HMCN1: variants seen among roughly 807,000 people sequenced by gnomAD.
The protein encoded by HMCN1 is hemicentin-1.
HMCN1 carries 321 observed loss-of-function variants against 625.9 expected under a neutral mutation model. The observed-to-expected ratio is 0.51, with a 90% CI of 0.47 to 0.56. HMCN1 has a LOEUF of 0.56. HMCN1 is among the 20% of genes least tolerant of loss of function. The pLI is 0.00. For synonymous variants in HMCN1, 2,425 were observed against 2,417.6 expected (o/e 1.00, Z -0.09); for missense variants, 6,588 against 6,887.3 (o/e 0.96, Z 1.54).
At chr1:185,894,168 AC>A (rs956241227) in intron 4 of HMCN1, among the ~76,000 whole-genome samples, 1 of 150,576 alleles carries the variant, frequency 6.6e-6, no homozygotes, top group African/African-American at 2.5e-5. Context: ...AAAAAACAAA[AC>A]AAAAAAACAG....
chr1:186,000,540 A>AGG (rs1469023226), intron 26 of HMCN1, among the ~76,000 whole-genome samples: 45 of 135,756 alleles, frequency 3.3e-4, no homozygotes, highest in African/African-American at 1.3e-3. Flanking sequence ...ATCAGCGTGT[A>AGG]GGGTGTGTGT....
chr1:186,069,831 T>G, intron 51 of HMCN1, 55 bp downstream of exon 51: 1 of 1,136,614 alleles, frequency 8.8e-7, no homozygotes, highest in Non-Finnish European at 1.3e-6. Flanking sequence ...TCTAACTTTT[T>G]CAATCCTGTT....
At chr1:186,070,798 G>A (rs756009575) in intron 52 of HMCN1, 41 bp downstream of exon 52, 1 of 1,589,656 alleles carries the variant, frequency 6.3e-7, no homozygotes, top group Non-Finnish European at 8.6e-7. Flanking sequence ...ATTTCTTAAA[G>A]ACTAAAATGG....
rs150512784 is a variant in HMCN1, at chr1:186,078,709, G to A, written c.8599+489G>A. On this transcript the variant is annotated intron_variant, in intron 55 of 106. Transcript: ENST00000271588. ...ATTGAAGCCCTAGAATTGAATTTCC[G>A]TGGTTTTAATTGGCCAAGTGTGAAT... 3.8e-3 allele frequency among the ~76,000 whole-genome samples: 577 copies of A among 152,258 alleles called. 4 individuals carry two copies. The highest frequency in any genetic ancestry group is 0.013 in the African/African-American group (545 of 41,556).
intron 63 of HMCN1, among the ~76,000 whole-genome samples, chr1:186,090,000 T>C (rs1659748602): frequency 6.6e-6 from 1 of 151,930 alleles, no homozygotes; most frequent in South Asian, 2.1e-4. Context: ...TGATCTAATA[T>C]ATACAAGATT....
chr1:186,162,108 T>G (rs1362136641), intron 97 of HMCN1, among the ~76,000 whole-genome samples: 1 of 152,200 alleles, frequency 6.6e-6, no homozygotes, highest in Non-Finnish European at 1.5e-5. Flanking sequence ...CTTGAGGCTT[T>G]GTTCGTTTCT....
intron 1 of HMCN1, among the ~76,000 whole-genome samples, chr1:185,827,171 C>CAAAAAAA (rs756416016): frequency 4.6e-5 from 2 of 43,180 alleles, no homozygotes; most frequent in African/African-American, 6.8e-5. Context: ...GACTCCATCT[C>CAAAAAAA]AAAAAAAAAA....
intron 42 of HMCN1, among the ~76,000 whole-genome samples, chr1:186,052,142 A>AAGAG (rs146696201): frequency 6.7e-5 from 10 of 149,982 alleles, no homozygotes; most frequent in Admixed American, 2.7e-4. Context: ...AGATGGTAAA[A>AAGAG]AGAGAGAGAG....
At chr1:186,068,138 T>TGG in intron 50 of HMCN1, 131 bp downstream of exon 50, 1 of 880,544 alleles carries the variant, frequency 1.1e-6, no homozygotes, top group Non-Finnish European at 1.9e-6. Flanking sequence ...GCAGCCTGGT[T>TGG]CCTAATAGGC....
intron 10 of HMCN1, among the ~76,000 whole-genome samples, chr1:185,930,183 T>C (rs1326801623): frequency 6.6e-6 from 1 of 152,184 alleles, no homozygotes; most frequent in African/African-American, 2.4e-5. Context: ...GAAATTGTAC[T>C]GTGCCCAAGC....
chr1:185,978,017 A>G (rs1184020883), intron 16 of HMCN1, 36 bp downstream of exon 16: 1 of 1,420,996 alleles, frequency 7.0e-7, no homozygotes, highest in South Asian at 1.2e-5. Context: ...ACGAATATGT[A>G]CTTTTATGTT....
At chr1:186,107,110 G>T (rs944561263) in intron 70 of HMCN1, 145 bp downstream of exon 70, 6 of 658,320 alleles carry the variant, frequency 9.1e-6, no homozygotes, top group Admixed American at 8.8e-5. Flanking sequence ...TTTTGAGACG[G>T]AGTCTCGCTT....
chr1:186,126,370 CAA>C (rs1388503145), intron 82 of HMCN1, among the ~76,000 whole-genome samples: 1 of 151,900 alleles, frequency 6.6e-6, no homozygotes, highest in Non-Finnish European at 1.5e-5. Flanking sequence ...ACAAAAGAAA[CAA>C]AGATCTTTGC....
At chr1:185,813,534 C>A (rs1306213868) in intron 1 of HMCN1, among the ~76,000 whole-genome samples, 1 of 152,060 alleles carries the variant, frequency 6.6e-6, no homozygotes, top group African/African-American at 2.4e-5. Flanking sequence ...CACTAGCCTA[C>A]AAAAGGTATA....
chr1:186,078,063 A>C (rs754296929), intron 54 of HMCN1, 44 bp from the exon 55 acceptor site: 1 of 1,393,458 alleles, frequency 7.2e-7, no homozygotes, highest in East Asian at 2.3e-5. Flanking sequence ...GCTTGTGTTC[A>C]CTCTAAGATT....
chr1:186,151,405 T>C, intron 94 of HMCN1, 56 bp downstream of exon 94: 1 of 1,511,002 alleles, frequency 6.6e-7, no homozygotes, highest in East Asian at 2.3e-5. Context: ...CTTCATCTTA[T>C]TACTTCCATT....
intron 1 of HMCN1, among the ~76,000 whole-genome samples, chr1:185,790,952 A>G (rs1657948445): frequency 6.6e-6 from 1 of 152,196 alleles, no homozygotes; most frequent in Admixed American, 6.5e-5. Flanking sequence ...CCCATGTCAC[A>G]AAATGTGCAC....
intron 1 of HMCN1, among the ~76,000 whole-genome samples, chr1:185,831,079 C>G (rs1042303222): frequency 2.0e-5 from 3 of 152,140 alleles, no homozygotes; most frequent in Non-Finnish European, 4.4e-5. Flanking sequence ...ATGATATTGA[C>G]ATCAAAATTT....
chr1:186,152,338 G>A (rs1372319886), intron 95 of HMCN1, among the ~76,000 whole-genome samples: 2 of 152,190 alleles, frequency 1.3e-5, no homozygotes, highest in African/African-American at 4.8e-5. Flanking sequence ...CATTTAATCA[G>A]TGGAGAAGAC....
Sources: gnomAD v4.1 joint callset for allele counts (sites outside exome capture counted in the v4.1 genomes callset) on GRCh38, gnomAD v4.1.1 for gene constraint, MANE v1.5 for transcripts, NCBI Gene and HGNC (gene_info 2026-07-23, HGNC 2026-07-21) for gene names.